Variants in STIL observed in about 807,000 individuals in gnomAD.
STIL encodes SCL-interrupting locus protein.
STIL carries 55 observed loss-of-function variants against 110.1 expected under a neutral mutation model. The observed-to-expected ratio is 0.50, with a 90% CI of 0.40 to 0.63. STIL has a LOEUF of 0.63. Among genes scored for constraint, STIL ranks in the 20% least tolerant of loss-of-function variants. The pLI, the probability that STIL is intolerant of heterozygous loss-of-function variation, is 0.00. For missense variants in STIL, 1,358 were observed against 1,530.0 expected (o/e 0.89, Z 1.87); for synonymous variants, 481 against 530.0 (o/e 0.91, Z 1.27).
intron 6 of STIL, among the ~76,000 whole-genome samples, chr1:47,298,835 C>T (rs1441696264): frequency 6.6e-6 from 1 of 151,936 alleles, no homozygotes; most frequent in Non-Finnish European, 1.5e-5. Context: ...CCTCTGCCTC[C>T]CAGGTTCAAG....
chr1:47,300,125 C>A lies in STIL; in HGVS notation c.481G>T (p.Asp161Tyr), dbSNP rs1645760249. 6.8e-6 allele frequency: 11 copies of A among 1,614,066 alleles called. No individual in the cohort carries two copies. The highest frequency in any genetic ancestry group is 9.3e-6 in the Non-Finnish European group (11 of 1,179,996). Reference sequence around the variant, plus strand: ...AGCAGCTTACCACAGTCCAAGGAATCTTTGCTACATATATGGCACTGTAGA... The same window carrying A: ...AGCAGCTTACCACAGTCCAAGGAATATTTGCTACATATATGGCACTGTAGA... ...KALQCHICSKDSLDCGKLLSL... is the reference protein window; with the variant it reads ...KALQCHICSKYSLDCGKLLSL... The change falls in exon 6 of 17, where the codon GAT becomes TAT. Residue 161 changes from aspartate (D) to tyrosine (Y), a missense_variant. Asp to Tyr is a radical substitution (Grantham distance 160). Transcript: ENST00000371877.
intron 1 of STIL, among the ~76,000 whole-genome samples, chr1:47,310,705 C>A (rs1400003353): frequency 6.6e-6 from 1 of 152,112 alleles, no homozygotes; most frequent in Non-Finnish European, 1.5e-5. Flanking sequence ...AACCTTACAA[C>A]CCTCATAAAA....
At chr1:47,281,280 C>A (rs1645153096) in intron 11 of STIL, 71 bp from the exon 12 acceptor site, 11 of 1,382,536 alleles carry the variant, frequency 8.0e-6, no homozygotes, top group African/African-American at 2.9e-5. Flanking sequence ...TTTCCTCAGA[C>A]CAGTATTTCC....
intron 8 of STIL, among the ~76,000 whole-genome samples, chr1:47,293,053 A>G (rs1645540182): frequency 1.3e-5 from 2 of 152,294 alleles, no homozygotes; most frequent in South Asian, 4.1e-4. Flanking sequence ...ATCTTGTCTC[A>G]AGTATTTCTT....
intron 16 of STIL, among the ~76,000 whole-genome samples, chr1:47,256,773 T>C (rs111851465): frequency 3.9e-5 from 6 of 152,066 alleles, no homozygotes; most frequent in African/African-American, 1.4e-4. Flanking sequence ...GGCAGGTGGA[T>C]CATCTGAGGT....
intron 13 of STIL, among the ~76,000 whole-genome samples, chr1:47,270,239 A>ATAT (rs1190552502): frequency 9.2e-5 from 11 of 119,158 alleles, no homozygotes; most frequent in African/African-American, 3.8e-4. Flanking sequence ...AAAAAAAAAA[A>ATAT]AAATATATAT....
intron 8 of STIL, among the ~76,000 whole-genome samples, chr1:47,291,947 C>G (rs1645502535): frequency 6.6e-6 from 1 of 151,866 alleles, no homozygotes; most frequent in Non-Finnish European, 1.5e-5. Flanking sequence ...AGCCTGAACT[C>G]CTGGGCTCAA....
intron 7 of STIL, among the ~76,000 whole-genome samples, chr1:47,295,238 T>C (rs1430663694): frequency 6.6e-6 from 1 of 151,922 alleles, no homozygotes; most frequent in Non-Finnish European, 1.5e-5. Flanking sequence ...CGCCTGGCCA[T>C]AGAATTAAGC....
chr1:47,304,498 A>T (rs892818715), intron 3 of STIL, among the ~76,000 whole-genome samples: 4 of 152,144 alleles, frequency 2.6e-5, no homozygotes, highest in Non-Finnish European at 5.9e-5. Context: ...TTTACACCTA[A>T]ACTTTCTTGT....
intron 7 of STIL, among the ~76,000 whole-genome samples, chr1:47,293,910 G>A (rs1030905503): frequency 6.6e-6 from 1 of 152,132 alleles, no homozygotes; most frequent in Non-Finnish European, 1.5e-5. Flanking sequence ...ATGGGCTAAG[G>A]TAGTACAGAC....
At chr1:47,271,677 A>G (rs915169480) in intron 13 of STIL, among the ~76,000 whole-genome samples, 11 of 151,888 alleles carry the variant, frequency 7.2e-5, no homozygotes, top group Admixed American at 3.9e-4. Flanking sequence ...GCGGTGGCTC[A>G]CGCCTGTAAT....
At chr1:47,290,814 T>C (rs1645464112) in intron 8 of STIL, among the ~76,000 whole-genome samples, 1 of 152,144 alleles carries the variant, frequency 6.6e-6, no homozygotes, top group Admixed American at 6.5e-5. Flanking sequence ...TTATTTTTCA[T>C]CTATCAGGTT....
At position 47,289,553 on chromosome 1, in the gene STIL, A is replaced by G. The variant is rs747217448; in HGVS notation, c.905T>C (p.Val302Ala). ...TTCCTTATGTGTCATAGAATAGAGA[A>G]CTATGATGAAATTTCCAGATTCTGA... ...VFSESGNFII[V>A]LYSMTHKEPE... Residue 302 changes from valine (V) to alanine (A), a missense_variant, in exon 9 of 17, where the codon GTT (valine) becomes GCT (alanine). By Grantham distance (64) the Val-to-Ala change is moderately conservative. Transcript: ENST00000371877. The G allele has an allele frequency of 6.2e-7, 1 of 1,613,742 alleles. No homozygotes were observed. Among genetic ancestry groups the G allele is most frequent in the South Asian group, 1.1e-5 (1 of 91,058 alleles).
Position 47,251,796 on chromosome 1 carries a change from A to T in STIL, c.3207T>A (p.Ala1069=), listed in dbSNP as rs778016364. The change falls in exon 17 of 17, where the codon GCT becomes GCA. Residue 1069 remains alanine, a synonymous_variant. Transcript: ENST00000371877. ...VDLSMEANAI[A]LKYLNENQLS... ...GCTGATTTTCATTTAAATATTTCAG[A>T]GCTATAGCATTTGCCTCCATGCTCA... 1.2e-6 allele frequency: 2 copies of T among 1,611,914 alleles called. No individual in the cohort carries two copies. The highest frequency in any genetic ancestry group is 1.7e-6 in the Non-Finnish European group (2 of 1,178,744).
chr1:47,294,828 T>A (rs1645595261), intron 7 of STIL, among the ~76,000 whole-genome samples: 1 of 152,196 alleles, frequency 6.6e-6, no homozygotes, highest in Non-Finnish European at 1.5e-5. Context: ...GAGCCCTGAG[T>A]TCTTTAGGGT....
chr1:47,252,794 C>T, intron 16 of STIL, among the ~76,000 whole-genome samples: 1 of 144,296 alleles, frequency 6.9e-6, no homozygotes, highest in East Asian at 2.1e-4. Context: ...CACACACACA[C>T]ACACACACAC....
chr1:47,261,379 CTCTG>C (rs1449110753), intron 15 of STIL, among the ~76,000 whole-genome samples: 3 of 151,158 alleles, frequency 2.0e-5, no homozygotes, highest in Admixed American at 1.3e-4. Context: ...CAGAGTGAGA[CTCTG>C]TCTAAAAAAA....
At chr1:47,286,312 T>C (rs1339680206) in intron 10 of STIL, among the ~76,000 whole-genome samples, 1 of 152,160 alleles carries the variant, frequency 6.6e-6, no homozygotes, top group African/African-American at 2.4e-5. Flanking sequence ...TATATTTCAA[T>C]ATTCCAACTT....
At position 47,258,992 on chromosome 1, in the gene STIL, C is replaced by CTTTTTTTTTTTTTTTTT. The variant is rs549227243; in HGVS notation, c.3080+1296_3080+1297insAAAAAAAAAAAAAAAAA. On this transcript the variant is annotated intron_variant, in intron 16 of 16. Coordinates refer to ENST00000371877, the MANE Select transcript of STIL (RefSeq NM_001048166.1). ...GAAATGGTTAAGAGAAGTAACTTTGCTTTTTTTTTTTTTTGAGACAGTCTT... is the reference window on the plus strand; with the variant it reads ...GAAATGGTTAAGAGAAGTAACTTTGCTTTTTTTTTTTTTTTTTTTTTTTTTTTTTTTGAGACAGTCTT... 6.1e-3 allele frequency among the ~76,000 whole-genome samples: 578 copies of CTTTTTTTTTTTTTTTTT among 94,390 alleles called. 91 individuals are homozygous for CTTTTTTTTTTTTTTTTT. The highest frequency in any genetic ancestry group is 0.012 in the African/African-American group (260 of 21,776). 61.9% of individuals were successfully genotyped at this position (94,390 alleles called of 152,430 possible).
Sources: allele counts gnomAD v4.1 joint callset (sites outside exome capture counted in the v4.1 genomes callset), GRCh38; gene constraint gnomAD v4.1.1; transcripts MANE v1.5; gene names NCBI Gene and HGNC (gene_info 2026-07-23, HGNC 2026-07-21).